Variants in SDCBP2 observed in about 807,000 individuals in gnomAD.
SDCBP2 encodes syndecan binding protein 2, also known as syntenin-2.
A neutral mutation model predicts 30.7 loss-of-function variants in SDCBP2; 28 were observed. The ratio of observed to expected loss-of-function variants is 0.91; its 90% confidence interval spans 0.68 to 1.25. The LOEUF (loss-of-function observed/expected upper bound fraction) is 1.25. Among genes scored for constraint, SDCBP2 ranks in the 50% most tolerant of loss-of-function variants. The pLI is 0.00. For synonymous variants in SDCBP2, 166 were observed against 157.3 expected, an observed-to-expected ratio of 1.06 and a Z score of -0.41; for missense variants, 399 against 379.0, an observed-to-expected ratio of 1.05 and a Z score of -0.44.
chr20:1,315,838 A>G (rs1431718844), intron 4 of SDCBP2, among the ~76,000 whole-genome samples: 1 of 152,232 alleles, frequency 6.6e-6, no homozygotes, highest in African/African-American at 2.4e-5. Context: ...CACACATCTG[A>G]CAAAGGACTT....
rs527639713 is a variant in SDCBP2 at position 1,317,770 on chromosome 20, T to G, written c.225+548A>C. ...CAGTTTCATCGGCTCAGGACGAGCC[T>G]GGCAGGAAGACTGACAGGTGGGACG... On this transcript the variant is annotated intron_variant, in intron 4 of 8. Transcript: ENST00000360779. 2.7e-4 allele frequency: 64 copies of G among 240,678 alleles called. 1 individual carries two copies. The highest frequency in any genetic ancestry group is 2.0e-3 in the South Asian group (37 of 18,756). 14.9% of individuals were successfully genotyped at this position (240,678 alleles called of 1,614,324 possible). A position where few individuals can be genotyped will look rare whatever the true frequency, so the allele number is the denominator to read the frequency against.
rs189461743 is a variant in SDCBP2, at chr20:1,313,963, C to A, written c.226-465G>T. On this transcript the variant is annotated intron_variant, in intron 4 of 8. Transcript: ENST00000360779. This position sits in a 1 kb window ranked among gnomAD's most constrained non-coding sequence, Gnocchi z 5.2. Reference sequence around the variant, plus strand: ...TTAAAGATGGTACTGGAAGACCTAGCCAGCACAGTAGGCAAGAAAAGAGGG... The same window carrying A: ...TTAAAGATGGTACTGGAAGACCTAGACAGCACAGTAGGCAAGAAAAGAGGG... 6.6e-6 allele frequency among the ~76,000 whole-genome samples: 1 copy of A among 152,152 alleles called. No individual in the cohort carries two copies. Among genetic ancestry groups the A allele is most frequent in the Admixed American group, 6.5e-5 (1 of 15,288 alleles).
intron 3 of SDCBP2, among the ~76,000 whole-genome samples, chr20:1,319,266 C>T (rs1010322057): frequency 1.3e-5 from 2 of 152,202 alleles, no homozygotes; most frequent in African/African-American, 4.8e-5. Flanking sequence ...GATATCACAT[C>T]CTCAAGGCAG....
At position 1,310,207 on chromosome 20, in the gene SDCBP2, C is replaced by G; in HGVS notation, c.*234G>C. 1 of 476,368 alleles carries G rather than the reference C, an allele frequency of 2.1e-6. No individual in the cohort carries two copies. The highest frequency in any genetic ancestry group is 3.8e-6 in the Non-Finnish European group (1 of 266,368). 29.5% of individuals were successfully genotyped at this position (476,368 alleles called of 1,614,324 possible). On this transcript the variant is annotated 3_prime_UTR_variant, in exon 9 of 9. Coordinates refer to ENST00000360779, the MANE Select transcript of SDCBP2 (RefSeq NM_080489.5). ...TCCGTGTCCAGCATTTAAATCAGCACAAGAGAATCGGCTGCCTGTGGGCCC... is the reference window on the plus strand; with the variant it reads ...TCCGTGTCCAGCATTTAAATCAGCAGAAGAGAATCGGCTGCCTGTGGGCCC...
rs950415104 is a variant in SDCBP2 at position 1,312,261 on chromosome 20, G to T, written c.732+76C>A. 2.8e-6 allele frequency: 4 copies of T among 1,432,392 alleles called. No individual in the cohort carries two copies. In the East Asian group the frequency reaches 9.6e-5, roughly 34 times the overall value. 88.7% of individuals were successfully genotyped at this position (1,432,392 alleles called of 1,614,324 possible). A position where few individuals can be genotyped will look rare whatever the true frequency, so the allele number is the denominator to read the frequency against. On this transcript the variant is annotated intron_variant, in intron 7 of 8. Coordinates refer to ENST00000360779, the MANE Select transcript of SDCBP2 (RefSeq NM_080489.5). ...AGGAAGAGGATGCTGAGGCTCAGGT[G>T]GGGTAAGCAAGCTGCCCAAAGACCT...
In SDCBP2 at chr20:1,313,522, G is replaced by A; in HGVS notation, c.226-24C>T. The A allele has an allele frequency of 1.3e-6, 2 of 1,558,000 alleles. No individual in the cohort carries two copies. The highest frequency in any genetic ancestry group is 1.7e-6 in the Non-Finnish European group (2 of 1,156,382). Reference sequence around the variant, plus strand: ...GTCTGCAGACACCAGGGGGCAGGGGGTCAGCCCGGCCCGTGGGGACCCTGT... The same window carrying A: ...GTCTGCAGACACCAGGGGGCAGGGGATCAGCCCGGCCCGTGGGGACCCTGT... On this transcript the variant is annotated intron_variant, in intron 4 of 8. Transcript: ENST00000360779. The surrounding 1 kb of genome is among the most constrained non-coding windows in gnomAD (Gnocchi z 5.2).
rs1186153299 is a variant in SDCBP2, at chr20:1,313,464, A to G, written c.260T>C (p.Val87Ala). Residue 87 changes from valine to alanine, a missense_variant, in exon 5 of 9, where the codon GTG (valine) becomes GCG (alanine). Val to Ala is a moderately conservative substitution (Grantham distance 64). Coordinates refer to ENST00000360779, the MANE Select transcript of SDCBP2 (RefSeq NM_080489.5). This position sits in a 1 kb window ranked among gnomAD's most constrained non-coding sequence, Gnocchi z 5.2. The stretch of plus-strand genomic sequence containing the variant: ...CAGGCTGTACCCGGTTACCGGTGCC[A>G]CCATCTGGCCGGGCCCGGGGCCCGA... ...AVSGPGPGQM[V>A]APVTGYSLGV... 4 of 1,599,182 alleles carry G rather than the reference A, an allele frequency of 2.5e-6. No homozygotes were observed. Among genetic ancestry groups the G allele is most frequent in the Non-Finnish European group, 3.4e-6 (4 of 1,175,450 alleles).
intron 7 of SDCBP2, among the ~76,000 whole-genome samples, chr20:1,311,572 A>C (rs6104889): frequency 0.74 from 112,337 of 151,900 alleles, 42,279 homozygotes; most frequent in East Asian, 0.92. Flanking sequence ...TTATCTGGTT[A>C]TGTGTTTTCT....
Position 1,320,722 on chromosome 20 carries a change from T to TA in SDCBP2, c.-19-288dup, listed in dbSNP as rs1259749497. ...CTCTCACACAAACTGTAGCAGAACT[T>TA]AGACACTCAACAGGGCACTGCTCCA... On this transcript the variant is annotated intron_variant, in intron 1 of 8. Transcript: ENST00000360779. This position sits in a 1 kb window ranked among gnomAD's most constrained non-coding sequence, Gnocchi z 4.7. 1 of 256,344 alleles carries TA rather than the reference T, an allele frequency of 3.9e-6. No homozygotes were observed. The highest frequency in any genetic ancestry group is 8.0e-5 in the East Asian group (1 of 12,526). 15.9% of individuals were successfully genotyped at this position (256,344 alleles called of 1,614,324 possible). A position where few individuals can be genotyped will look rare whatever the true frequency, so the allele number is the denominator to read the frequency against.
In SDCBP2 at chr20:1,321,962, G is replaced by T. The variant is rs1714738956; in HGVS notation, c.-19-1527C>A. ...GTGACCCAGTCCACCATCCTCTATTGGCTGTTACACCCAGACCATTGTACT... is the reference window on the plus strand; with the variant it reads ...GTGACCCAGTCCACCATCCTCTATTTGCTGTTACACCCAGACCATTGTACT... On this transcript the variant is annotated intron_variant, in intron 1 of 8. Coordinates refer to ENST00000360779, the MANE Select transcript of SDCBP2 (RefSeq NM_080489.5). The surrounding 1 kb of genome is among the most constrained non-coding windows in gnomAD (Gnocchi z 5.2). 6.6e-6 allele frequency: 1 copy of T among 152,124 alleles called. No individual in the cohort carries two copies. Among genetic ancestry groups the T allele is most frequent in the African/African-American group, 2.4e-5 (1 of 41,408 alleles). The allele number at this position is 152,124 out of a possible 1,614,324, so 9.4% of individuals were successfully genotyped here. A position where few individuals can be genotyped will look rare whatever the true frequency, so the allele number is the denominator to read the frequency against.
At chr20:1,312,202 G>A (rs2088683045) in intron 7 of SDCBP2, 135 bp downstream of exon 7, 3 of 882,046 alleles carry the variant, frequency 3.4e-6, no homozygotes, top group East Asian at 2.7e-5. Context: ...CCAGCCCTAC[G>A]AACACCGTCT....
rs746257992 is a variant in SDCBP2 at position 1,320,430 on chromosome 20, A to G, written c.-14T>C. 1 of 1,613,414 alleles carries G rather than the reference A, an allele frequency of 6.2e-7. No homozygotes were observed. Among genetic ancestry groups the G allele is most frequent in the Admixed American group, 1.7e-5 (1 of 59,978 alleles). On this transcript the variant is annotated 5_prime_UTR_variant, in exon 2 of 9. Transcript: ENST00000360779. This position sits in a 1 kb window ranked among gnomAD's most constrained non-coding sequence, Gnocchi z 4.7. Reference sequence around the variant, plus strand: ...CAGGGATGACATGGCTGATTCTCAGAACACCCTGCAGAGTGCAGAGGGTGG... The same window carrying G: ...CAGGGATGACATGGCTGATTCTCAGGACACCCTGCAGAGTGCAGAGGGTGG...
At chr20:1,310,541 C>T in intron 8 of SDCBP2, 46 bp from the exon 9 acceptor site, 1 of 1,580,412 alleles carries the variant, frequency 6.3e-7, no homozygotes, top group South Asian at 1.1e-5. Flanking sequence ...TCCTTCTCTC[C>T]ACCCTCCAGC....
In SDCBP2 at chr20:1,313,958, C is replaced by A. The variant is rs919325193; in HGVS notation, c.226-460G>T. On this transcript the variant is annotated intron_variant, in intron 4 of 8. Transcript: ENST00000360779. This position sits in a 1 kb window ranked among gnomAD's most constrained non-coding sequence, Gnocchi z 5.2. ...CACTATTAAAGATGGTACTGGAAGA[C>A]CTAGCCAGCACAGTAGGCAAGAAAA... 6.6e-6 allele frequency among the ~76,000 whole-genome samples: 1 copy of A among 152,054 alleles called. No homozygotes were observed. Among genetic ancestry groups the A allele is most frequent in the Admixed American group, 6.5e-5 (1 of 15,268 alleles).
Position 1,329,082 on chromosome 20 carries a change from T to A in SDCBP2, c.-20+3A>T, listed in dbSNP as rs1044391972. The A allele has an allele frequency of 6.6e-6, 1 of 152,318 alleles. No individual in the cohort carries two copies. The highest frequency in any genetic ancestry group is 2.4e-5 in the African/African-American group (1 of 41,450). 9.4% of individuals were successfully genotyped at this position (152,318 alleles called of 1,614,324 possible). ...GGATTGGGTCAGGGCCCCCAGCGCTTACCTGCAGGCAAGGTGCTGCTCCAC... is the reference window on the plus strand; with the variant it reads ...GGATTGGGTCAGGGCCCCCAGCGCTAACCTGCAGGCAAGGTGCTGCTCCAC... On this transcript the variant is annotated splice_donor_region_variant and intron_variant, in intron 1 of 8. Coordinates refer to ENST00000360779, the MANE Select transcript of SDCBP2 (RefSeq NM_080489.5). This position sits in a 1 kb window ranked among gnomAD's most constrained non-coding sequence, Gnocchi z 4.3.
chr20:1,316,304 C>A (rs894780115), intron 4 of SDCBP2, among the ~76,000 whole-genome samples: 9 of 152,096 alleles, frequency 5.9e-5, no homozygotes, highest in Admixed American at 3.3e-4. Context: ...AGTAATAATA[C>A]CAAATTCTGG....
intron 7 of SDCBP2, 86 bp from the exon 8 acceptor site, chr20:1,310,977 GC>G: frequency 1.0e-6 from 1 of 957,310 alleles, no homozygotes; most frequent in Admixed American, 2.2e-5. Context: ...GATCAGCATG[GC>G]CACTGCTAGA....
chr20:1,325,380 G>C (rs1368458810), intron 1 of SDCBP2: 1 of 152,248 alleles, frequency 6.6e-6, no homozygotes, highest in Non-Finnish European at 1.5e-5. Context: ...ACCCAGGCCC[G>C]GGCGCGGTTA....
rs1247551666 is a variant in SDCBP2, at chr20:1,313,149, G to T, written c.384+191C>A. 4 of 648,204 alleles carry T rather than the reference G, an allele frequency of 6.2e-6. No individual in the cohort carries two copies. The East Asian group carries it at 1.1e-4, about 18-fold the overall frequency. 40.2% of individuals were successfully genotyped at this position (648,204 alleles called of 1,614,324 possible). A position where few individuals can be genotyped will look rare whatever the true frequency, so the allele number is the denominator to read the frequency against. On this transcript the variant is annotated intron_variant, in intron 5 of 8. Transcript: ENST00000360779. The surrounding 1 kb of genome is among the most constrained non-coding windows in gnomAD (Gnocchi z 5.2). The stretch of plus-strand genomic sequence containing the variant: ...AAGCCCACGGAGAGGCCAGTGGAGG[G>T]CCCTGCGCAACCCAGCACCAGCCCC...
Sources: gnomAD v4.1 joint callset for allele counts (sites outside exome capture counted in the v4.1 genomes callset) on GRCh38, gnomAD v4.1.1 for gene constraint, Gnocchi (gnomAD v3.1) non-coding constraint, MANE v1.5 for transcripts, NCBI Gene and HGNC (gene_info 2026-07-23, HGNC 2026-07-21) for gene names.